INPP4B: variants seen among roughly 807,000 people sequenced by gnomAD.
INPP4B encodes the protein inositol polyphosphate 4-phosphatase type II.
Under a neutral mutation model 122.5 loss-of-function variants are expected in INPP4B, and 55 were observed. The observed-to-expected ratio is 0.45, with a 90% CI of 0.36 to 0.56. INPP4B has a LOEUF of 0.56. Among genes scored for constraint, INPP4B ranks in the 20% least tolerant of loss-of-function variants. The pLI, the probability that INPP4B is intolerant of heterozygous loss-of-function variation, is 0.00. For synonymous variants in INPP4B, 403 were observed against 388.7 expected, an observed-to-expected ratio of 1.04 and a Z score of -0.43; for missense variants, 1,000 against 1,097.7, an observed-to-expected ratio of 0.91 and a Z score of 1.26.
intron 7 of INPP4B, among the ~76,000 whole-genome samples, chr4:142,350,704 A>C (rs1253463556): frequency 6.6e-6 from 1 of 152,064 alleles, no homozygotes; most frequent in Admixed American, 6.6e-5. Context: ...CCAAGATTTA[A>C]AAGAGCAAAA....
chr4:142,332,762 TG>T (rs1412439990), intron 7 of INPP4B, among the ~76,000 whole-genome samples: 2 of 150,916 alleles, frequency 1.3e-5, no homozygotes, highest in Non-Finnish European at 2.9e-5. Flanking sequence ...CCCAGCACTT[TG>T]GGAGGCCAAG....
In INPP4B at chr4:142,618,505, C is replaced by T. The variant is rs983264919; in HGVS notation, c.-191+107334G>A. ...GAAGGCAAATTGTCTCTTCAACAAACAGCACTGGGGAAACTAGATACCCAC... is the reference window on the plus strand; with the variant it reads ...GAAGGCAAATTGTCTCTTCAACAAATAGCACTGGGGAAACTAGATACCCAC... On this transcript the variant is annotated intron_variant, in intron 2 of 25. Transcript: ENST00000262992. Among the ~76,000 whole-genome samples, 8 of 152,030 alleles carry T rather than the reference C, an allele frequency of 5.3e-5. 1 individual carries two copies.
At chr4:142,823,242 A>G (rs944795329) in intron 1 of INPP4B, among the ~76,000 whole-genome samples, 8 of 152,180 alleles carry the variant, frequency 5.3e-5, no homozygotes, top group Non-Finnish European at 1.2e-4. Flanking sequence ...TCCCCAAGAT[A>G]TTAATGAAGT....
intron 5 of INPP4B, among the ~76,000 whole-genome samples, chr4:142,411,991 T>C (rs1804700006): frequency 6.6e-6 from 1 of 152,314 alleles, no homozygotes; most frequent in African/African-American, 2.4e-5. Context: ...TCCCTAAGGA[T>C]GTGCAAAAGA....
At chr4:142,747,709 A>G (rs1391824241) in intron 1 of INPP4B, among the ~76,000 whole-genome samples, 2 of 152,194 alleles carry the variant, frequency 1.3e-5, no homozygotes, top group Non-Finnish European at 2.9e-5. Flanking sequence ...GAATGAGTTC[A>G]TGTCTTTTGT....
At chr4:142,761,935 A>G (rs1172369646) in intron 1 of INPP4B, among the ~76,000 whole-genome samples, 1 of 152,192 alleles carries the variant, frequency 6.6e-6, no homozygotes, top group Non-Finnish European at 1.5e-5. Flanking sequence ...TAGCCAGATT[A>G]TGGTTCCTAG....
chr4:142,484,526 A>G (rs1820966820), intron 2 of INPP4B, among the ~76,000 whole-genome samples: 2 of 152,154 alleles, frequency 1.3e-5, no homozygotes, highest in African/African-American at 4.8e-5. Flanking sequence ...AAAATATTCC[A>G]AAATATTTTT....
At chr4:142,696,497 C>T (rs1450632593) in intron 2 of INPP4B, among the ~76,000 whole-genome samples, 1 of 152,174 alleles carries the variant, frequency 6.6e-6, no homozygotes, top group Non-Finnish European at 1.5e-5. Context: ...ACAGATACTC[C>T]CTTTCCCCAC....
chr4:142,784,241 T>C (rs1561065529), intron 1 of INPP4B, among the ~76,000 whole-genome samples: 1 of 151,924 alleles, frequency 6.6e-6, no homozygotes, highest in African/African-American at 2.4e-5. Flanking sequence ...CATGTGCCTG[T>C]AGTCCCAGCT....
chr4:142,786,699 T>C (rs1022456829), intron 1 of INPP4B, among the ~76,000 whole-genome samples: 4 of 152,134 alleles, frequency 2.6e-5, no homozygotes, highest in African/African-American at 9.7e-5. Context: ...CTCAATATGG[T>C]ATGATAAAAA....
chr4:142,174,868 C>G (rs1240214059), intron 15 of INPP4B, among the ~76,000 whole-genome samples: 1 of 152,054 alleles, frequency 6.6e-6, no homozygotes, highest in African/African-American at 2.4e-5. Flanking sequence ...TAGCCTCGAG[C>G]CATCCTCCCC....
At chr4:142,201,818 T>C (rs1840741895) in intron 14 of INPP4B, among the ~76,000 whole-genome samples, 1 of 152,116 alleles carries the variant, frequency 6.6e-6, no homozygotes, top group Non-Finnish European at 1.5e-5. Flanking sequence ...CGTATTATCA[T>C]TTAAAAAATA....
At chr4:142,671,833 A>C (rs987759722) in intron 2 of INPP4B, among the ~76,000 whole-genome samples, 1 of 152,150 alleles carries the variant, frequency 6.6e-6, no homozygotes, top group Non-Finnish European at 1.5e-5. Context: ...AGCTTTATCA[A>C]GTATATTAAT....
chr4:142,654,808 A>G (rs1753820151), intron 2 of INPP4B: 1 of 152,226 alleles, frequency 6.6e-6, no homozygotes, highest in South Asian at 2.1e-4. Flanking sequence ...TTCAGCAAGG[A>G]GGTGGTTAAA....
At chr4:142,578,247 C>A (rs916957802) in intron 2 of INPP4B, among the ~76,000 whole-genome samples, 5 of 151,968 alleles carry the variant, frequency 3.3e-5, no homozygotes, top group African/African-American at 1.2e-4. Flanking sequence ...AAGATGGATA[C>A]ACACACGCTG....
intron 11 of INPP4B, among the ~76,000 whole-genome samples, chr4:142,246,511 T>A (rs1187264310): frequency 2.0e-5 from 3 of 152,266 alleles, no homozygotes; most frequent in African/African-American, 4.8e-5. Context: ...AGGTCCTTCA[T>A]ATCCCCTGTA....
chr4:142,175,919 C>A (rs922194597), intron 15 of INPP4B, among the ~76,000 whole-genome samples: 1 of 152,042 alleles, frequency 6.6e-6, no homozygotes, highest in East Asian at 1.9e-4. Context: ...GCAGGACCTA[C>A]TTACAGACCC....
intron 3 of INPP4B, among the ~76,000 whole-genome samples, chr4:142,441,119 C>G (rs1811613987): frequency 6.6e-6 from 1 of 152,062 alleles, no homozygotes; most frequent in African/African-American, 2.4e-5. Flanking sequence ...TATACTTAAG[C>G]AAGAGAGTGA....
intron 2 of INPP4B, among the ~76,000 whole-genome samples, chr4:142,694,163 G>A (rs909446711): frequency 2.0e-5 from 3 of 151,704 alleles, no homozygotes; most frequent in South Asian, 2.1e-4. Flanking sequence ...GCTTGAGGTC[G>A]GGAGTTCCAG....
Sources: allele counts gnomAD v4.1 joint callset (sites outside exome capture counted in the v4.1 genomes callset), GRCh38; gene constraint gnomAD v4.1.1; transcripts MANE v1.5; gene names NCBI Gene and HGNC (gene_info 2026-07-23, HGNC 2026-07-21).